Variants in SV2C observed in about 807,000 individuals in gnomAD.
The protein encoded by SV2C is solute carrier family 22 member B3.
A neutral mutation model predicts 79.7 loss-of-function variants in SV2C; 49 were observed. That is an observed-to-expected ratio of 0.61 (90% CI 0.49 to 0.78). The LOEUF (loss-of-function observed/expected upper bound fraction) is 0.78, where lower values mean the gene tolerates loss of function less well. SV2C is among the 30% of genes least tolerant of loss of function. The pLI is 0.00. For missense variants in SV2C, 833 were observed against 912.9 expected (o/e 0.91, Z 1.13); for synonymous variants, 334 against 333.2 (o/e 1.00, Z -0.03).
Position 76,325,655 on chromosome 5 carries a change from C to G in SV2C, c.*108C>G, listed in dbSNP as rs1748973794. The G allele has an allele frequency of 1.4e-6, 2 of 1,472,004 alleles. No individual in the cohort carries two copies. The highest frequency in any genetic ancestry group is 9.1e-7 in the Non-Finnish European group (1 of 1,099,080). The allele number at this position is 1,472,004 out of a possible 1,614,324, so 91.2% of individuals were successfully genotyped here. On this transcript the variant is annotated 3_prime_UTR_variant, in exon 13 of 13. Transcript: ENST00000502798. ...CCTATATAGAAAGGTGATCAAGTAT[C>G]AGAACATAAACACGTGCTGTGACTT... is the stretch of plus-strand genomic sequence containing the variant.
chr5:76,064,438 A>T, the SV2C span, among the ~76,000 whole-genome samples: 3 of 152,220 alleles, frequency 2.0e-5, no homozygotes, highest in Non-Finnish European at 4.4e-5. Context: ...GTGTGCATTA[A>T]ACTTGTTATG....
chr5:76,259,170 C>G (rs1746387461), intron 4 of SV2C, among the ~76,000 whole-genome samples: 1 of 152,320 alleles, frequency 6.6e-6, no homozygotes, highest in South Asian at 2.1e-4. Flanking sequence ...AGCAGCCTCA[C>G]TTCTGCTTAT....
At chr5:75,995,307 G>A in the SV2C span, among the ~76,000 whole-genome samples, 7 of 151,992 alleles carry the variant, frequency 4.6e-5, no homozygotes, top group Admixed American at 4.6e-4. Flanking sequence ...TTACATTATT[G>A]CTCTGGCTTG....
chr5:76,084,823 AG>A (rs897702103), intron 1 of SV2C, among the ~76,000 whole-genome samples: 1 of 145,668 alleles, frequency 6.9e-6, no homozygotes, highest in Non-Finnish European at 1.5e-5. Flanking sequence ...GGCGGGGCAG[AG>A]GGGGGCGGGA....
the SV2C span, among the ~76,000 whole-genome samples, chr5:76,045,838 G>A: frequency 2.6e-5 from 4 of 152,270 alleles, no homozygotes. Context: ...GCTGTGCTGG[G>A]GAGAGTTCCT....
chr5:75,933,430 A>C, the SV2C span, among the ~76,000 whole-genome samples: 9 of 152,104 alleles, frequency 5.9e-5, no homozygotes, highest in Non-Finnish European at 1.5e-5. Context: ...CTTGTCCCCT[A>C]GTTGATATTC....
At chr5:75,981,292 C>A in the SV2C span, among the ~76,000 whole-genome samples, 1 of 152,108 alleles carries the variant, frequency 6.6e-6, no homozygotes, top group Non-Finnish European at 1.5e-5. Flanking sequence ...TCTATACTGC[C>A]CAAAGCAATT....
At chr5:76,049,324 G>GA in the SV2C span, among the ~76,000 whole-genome samples, 33,343 of 106,498 alleles carry the variant, frequency 0.31, 4,790 homozygotes, top group East Asian at 0.51. Context: ...GTGACAGAGC[G>GA]AAAAAAAAAA....
the SV2C span, among the ~76,000 whole-genome samples, chr5:75,939,075 A>G: frequency 4.0e-4 from 61 of 152,212 alleles, no homozygotes; most frequent in Non-Finnish European, 1.2e-4. Context: ...CATGAAGTGC[A>G]AAATCATACT....
rs551063948 is a variant in SV2C, at chr5:76,229,400, G to A, written c.913+19513G>A. ...GGTAGGAGGGTAGTAAAATGGATGC[G>A]ATGAACTATTCCTTCCAGGCAGGCA... On this transcript the variant is annotated intron_variant, in intron 4 of 12. Transcript: ENST00000502798. Among the ~76,000 whole-genome samples the A allele has an allele frequency of 1.0e-3, 153 of 152,334 alleles. 1 individual carries two copies. The highest frequency in any genetic ancestry group is 6.8e-3 in the Middle Eastern group (2 of 294).
chr5:76,032,249 C>G, the SV2C span, among the ~76,000 whole-genome samples: 107 of 149,030 alleles, frequency 7.2e-4, no homozygotes, highest in Non-Finnish European at 1.4e-3. Flanking sequence ...GATAAATAAT[C>G]TTTTTTTATT....
the SV2C span, among the ~76,000 whole-genome samples, chr5:75,953,287 A>G: frequency 6.6e-6 from 1 of 151,974 alleles, no homozygotes; most frequent in South Asian, 2.1e-4. Flanking sequence ...ATCTGCTTCC[A>G]TGACCAAATA....
At chr5:76,019,231 A>G in the SV2C span, among the ~76,000 whole-genome samples, 1 of 152,178 alleles carries the variant, frequency 6.6e-6, no homozygotes. Context: ...GGTAGTACAA[A>G]GGTACTGTAT....
chr5:75,997,210 G>A, the SV2C span, among the ~76,000 whole-genome samples: 4 of 152,012 alleles, frequency 2.6e-5, no homozygotes, highest in Admixed American at 6.6e-5. Context: ...GTTGAATTTC[G>A]TCAAAGGCCT....
the SV2C span, among the ~76,000 whole-genome samples, chr5:75,919,822 G>A: frequency 1.3e-5 from 2 of 152,198 alleles, no homozygotes; most frequent in African/African-American, 2.4e-5. Flanking sequence ...ATTGTGTACA[G>A]CATTCTCATT....
At chr5:75,887,607 C>G in the SV2C span, among the ~76,000 whole-genome samples, 1 of 152,156 alleles carries the variant, frequency 6.6e-6, no homozygotes, top group Non-Finnish European at 1.5e-5. Context: ...TTCCAGTAGA[C>G]TTGCTGCTTC....
chr5:76,308,251 G>T (rs1409000498), intron 12 of SV2C, among the ~76,000 whole-genome samples: 2 of 152,164 alleles, frequency 1.3e-5, no homozygotes, highest in Non-Finnish European at 2.9e-5. Flanking sequence ...CTCCACTTAA[G>T]CTCCAGTGAC....
At chr5:75,931,652 G>C in the SV2C span, among the ~76,000 whole-genome samples, 1 of 152,326 alleles carries the variant, frequency 6.6e-6, no homozygotes, top group Non-Finnish European at 1.5e-5. Flanking sequence ...CTGGTTGAAA[G>C]AGAGCAAGTT....
the SV2C span, among the ~76,000 whole-genome samples, chr5:75,955,989 G>A: frequency 3.8e-4 from 57 of 149,514 alleles, 1 homozygote; most frequent in East Asian, 7.7e-3. Context: ...TCAGTGTGGC[G>A]ATTCCTCAGG....
Sources: gnomAD v4.1 joint callset for allele counts (sites outside exome capture counted in the v4.1 genomes callset) on GRCh38, gnomAD v4.1.1 for gene constraint, MANE v1.5 for transcripts, NCBI Gene and HGNC (gene_info 2026-07-23, HGNC 2026-07-21) for gene names.